Variants in SEMA6D observed in about 807,000 individuals in gnomAD.
The protein encoded by SEMA6D is semaphorin-6D.
In SEMA6D, 35 loss-of-function variants were observed where a neutral mutation model predicts 106.6. The ratio of observed to expected loss-of-function variants is 0.33; its 90% CI spans 0.25 to 0.44. The LOEUF is 0.44. Ranked by LOEUF, SEMA6D falls within the 20% of genes least tolerant of loss-of-function variation. The pLI is 1.00. For missense variants in SEMA6D, 1,185 were observed against 1,345.9 expected, an observed-to-expected ratio of 0.88 and a Z score of 1.87; for synonymous variants, 499 against 487.7, an observed-to-expected ratio of 1.02 and a Z score of -0.31.
In SEMA6D at chr15:47,552,891, A is replaced by AATATATATAAATAT. The variant is rs561289378; in HGVS notation, c.-86-47965_-86-47964insAATATATATATATA. On this transcript the variant is annotated intron_variant, in intron 3 of 19. Transcript: ENST00000558014. Reference sequence around the variant, plus strand: ...TTTTATATATATATAAATATATATAAATATATATATATATAAATATATATA... The same window carrying AATATATATAAATAT: ...TTTTATATATATATAAATATATATAAATATATATAAATATATATATATATATATAAATATATATA... Among the ~76,000 whole-genome samples, 11 of 35,294 alleles carry AATATATATAAATAT rather than the reference A, an allele frequency of 3.1e-4. 1 individual carries two copies. The highest frequency in any genetic ancestry group is 5.5e-4 in the Non-Finnish European group (11 of 19,988). 23.2% of individuals were successfully genotyped at this position (35,294 alleles called of 152,430 possible).
At chr15:47,562,425 A>G (rs913075740) in intron 3 of SEMA6D, among the ~76,000 whole-genome samples, 1 of 152,084 alleles carries the variant, frequency 6.6e-6, no homozygotes, top group African/African-American at 2.4e-5. Context: ...AAAAGCCATA[A>G]AAAGCTTGAC....
intron 4 of SEMA6D, among the ~76,000 whole-genome samples, chr15:47,668,979 A>G (rs1423296602): frequency 2.6e-5 from 4 of 152,218 alleles, no homozygotes; most frequent in African/African-American, 9.6e-5. Context: ...AACTTCTAGA[A>G]AAGTTGAAAA....
chr15:47,415,940 G>A (rs1265512576), intron 2 of SEMA6D, among the ~76,000 whole-genome samples: 1 of 152,172 alleles, frequency 6.6e-6, no homozygotes, highest in Non-Finnish European at 1.5e-5. Flanking sequence ...AATGTTAGAA[G>A]CAATCAAGGA....
At chr15:47,367,687 C>CGCGT (rs2039096350) in intron 1 of SEMA6D, among the ~76,000 whole-genome samples, 2 of 42,102 alleles carry the variant, frequency 4.8e-5, no homozygotes, top group African/African-American at 1.8e-4. Context: ...CACGCGCGCG[C>CGCGT]GCGCGCACAC....
intron 4 of SEMA6D, among the ~76,000 whole-genome samples, chr15:47,678,461 A>G (rs1314067205): frequency 3.9e-5 from 6 of 152,118 alleles, no homozygotes; most frequent in Non-Finnish European, 8.8e-5. Flanking sequence ...ATATCAGAAA[A>G]TGCTGTCCAG....
intron 2 of SEMA6D, among the ~76,000 whole-genome samples, chr15:47,457,429 A>C (rs1004505405): frequency 1.3e-5 from 2 of 152,004 alleles, no homozygotes; most frequent in African/African-American, 4.8e-5. Flanking sequence ...GATATTAAGC[A>C]GTATTATAAG....
At chr15:47,221,111 A>G (rs1401506109) in intron 1 of SEMA6D, among the ~76,000 whole-genome samples, 1 of 152,188 alleles carries the variant, frequency 6.6e-6, no homozygotes, top group Admixed American at 6.5e-5. Context: ...CCTGTGGAAC[A>G]CATCCAAGCT....
chr15:47,467,428 A>G (rs1291006180), intron 2 of SEMA6D, among the ~76,000 whole-genome samples: 2 of 152,184 alleles, frequency 1.3e-5, no homozygotes, highest in Admixed American at 6.5e-5. Flanking sequence ...AGAAGAGGCA[A>G]TGTAGAGAAG....
At chr15:47,767,297 C>T in intron 17 of SEMA6D, 1 of 424,198 alleles carries the variant, frequency 2.4e-6, no homozygotes, top group South Asian at 6.7e-5. Context: ...CATCATTGAC[C>T]AAGCCACATC....
intron 1 of SEMA6D, among the ~76,000 whole-genome samples, chr15:47,722,231 G>A (rs1400836597): frequency 6.6e-6 from 1 of 152,078 alleles, no homozygotes; most frequent in Non-Finnish European, 1.5e-5. Flanking sequence ...GAATTAGAAG[G>A]AGCCATTCAG....
chr15:47,304,770 C>T (rs1368507639), intron 1 of SEMA6D, among the ~76,000 whole-genome samples: 2 of 152,070 alleles, frequency 1.3e-5, no homozygotes, highest in African/African-American at 4.8e-5. Context: ...GAACAAGATT[C>T]TTATCTGAGC....
rs536118444 is a variant in SEMA6D, at chr15:47,453,427, A to G, written c.-158-17047A>G. ...CATCCACAGTGAATCTGTAGAGGTT[A>G]TGACAACAGCTATTAAAATGATAGC... On this transcript the variant is annotated intron_variant, in intron 2 of 19. Transcript: ENST00000558014. 1.5e-4 allele frequency among the ~76,000 whole-genome samples: 23 copies of G among 152,154 alleles called. No homozygotes were observed. The South Asian group carries it at 4.8e-3, about 32-fold the overall frequency.
At chr15:47,243,065 GGCTATACTGA>G (rs2141803378) in intron 1 of SEMA6D, among the ~76,000 whole-genome samples, 1 of 152,136 alleles carries the variant, frequency 6.6e-6, no homozygotes, top group South Asian at 2.1e-4. Flanking sequence ...ATATTCACAA[GGCTATACTGA>G]GCACTTTTGC....
chr15:47,568,021 C>A (rs1187617026), intron 3 of SEMA6D, among the ~76,000 whole-genome samples: 2 of 152,050 alleles, frequency 1.3e-5, no homozygotes, highest in African/African-American at 2.4e-5. Flanking sequence ...TATTATTTAA[C>A]CCCAGTGAAA....
chr15:47,404,618 G>T (rs1595915702), intron 1 of SEMA6D, among the ~76,000 whole-genome samples: 1 of 152,124 alleles, frequency 6.6e-6, no homozygotes, highest in Non-Finnish European at 1.5e-5. Flanking sequence ...CCTCAGGGAT[G>T]GGCTTTAAGA....
intron 3 of SEMA6D, among the ~76,000 whole-genome samples, chr15:47,536,788 A>G (rs935263940): frequency 6.6e-6 from 1 of 152,234 alleles, no homozygotes; most frequent in African/African-American, 2.4e-5. Context: ...GTATTATTGT[A>G]CAAGGCAGAA....
chr15:47,368,285 T>G (rs2039135491), intron 1 of SEMA6D, among the ~76,000 whole-genome samples: 1 of 152,086 alleles, frequency 6.6e-6, no homozygotes. Flanking sequence ...TCAGAAAGCC[T>G]TGAGTCTCAT....
At chr15:47,363,203 T>C (rs2038878289) in intron 1 of SEMA6D, among the ~76,000 whole-genome samples, 1 of 152,158 alleles carries the variant, frequency 6.6e-6, no homozygotes, top group African/African-American at 2.4e-5. Context: ...AGGTAACCTA[T>C]CCAGGGTCAC....
intron 1 of SEMA6D, among the ~76,000 whole-genome samples, chr15:47,359,238 T>C (rs2038706703): frequency 6.6e-6 from 1 of 152,218 alleles, no homozygotes; most frequent in South Asian, 2.1e-4. Flanking sequence ...TATACATATG[T>C]GTATGTGTAC....
Sources: gnomAD v4.1 joint callset for allele counts (sites outside exome capture counted in the v4.1 genomes callset) on GRCh38, gnomAD v4.1.1 for gene constraint, MANE v1.5 for transcripts, NCBI Gene and HGNC (gene_info 2026-07-23, HGNC 2026-07-21) for gene names.